The following CACNG3 variants were observed in gnomAD, a reference collection of about 807,000 sequenced individuals.
The protein encoded by CACNG3 is calcium voltage-gated channel auxiliary subunit gamma 3.
Under a neutral mutation model 28.5 loss-of-function variants are expected in CACNG3, and 3 were observed. That is an observed-to-expected ratio of 0.11 (90% CI 0.05 to 0.27). The LOEUF is 0.27. Ranked by LOEUF, CACNG3 falls within the 10% of genes least tolerant of loss-of-function variation. The pLI is 1.00. For synonymous variants in CACNG3, 174 were observed against 162.2 expected (o/e 1.07, Z -0.55); for missense variants, 236 against 414.4 (o/e 0.57, Z 3.74).
intron 3 of CACNG3, among the ~76,000 whole-genome samples, chr16:24,360,091 C>A (rs554717695): frequency 6.6e-6 from 1 of 152,152 alleles, no homozygotes; most frequent in African/African-American, 2.4e-5. Context: ...TACTCACCAA[C>A]TGTTGTCGGA....
At position 24,361,291 on chromosome 16, in the gene CACNG3, G is replaced by C; in HGVS notation, c.437-61G>C. 4 of 1,258,248 alleles carry C rather than the reference G, an allele frequency of 3.2e-6. No individual in the cohort carries two copies. The highest frequency in any genetic ancestry group is 4.4e-6 in the Non-Finnish European group (4 of 900,206). The allele number at this position is 1,258,248 out of a possible 1,614,324, so 77.9% of individuals were successfully genotyped here. A position where few individuals can be genotyped will look rare whatever the true frequency, so the allele number is the denominator to read the frequency against. On this transcript the variant is annotated intron_variant, in intron 3 of 3. Transcript: ENST00000005284. The surrounding 1 kb of genome is among the most constrained non-coding windows in gnomAD (Gnocchi z 6.8). Reference sequence around the variant, plus strand: ...CATTTTCTATAAATATTTTAAGATGGAAAGTGACAGTTCTCTCCGAGGTGT... The same window carrying C: ...CATTTTCTATAAATATTTTAAGATGCAAAGTGACAGTTCTCTCCGAGGTGT...
chr16:24,348,238 AT>A (rs200432788), intron 2 of CACNG3, among the ~76,000 whole-genome samples: 2,397 of 146,848 alleles, frequency 0.016, 51 homozygotes, highest in African/African-American at 0.052. Context: ...ACTCTACAGA[AT>A]TTTTTTTTTT....
intron 1 of CACNG3, among the ~76,000 whole-genome samples, chr16:24,272,770 A>T (rs943325632): frequency 6.6e-6 from 1 of 152,180 alleles, no homozygotes; most frequent in Non-Finnish European, 1.5e-5. Flanking sequence ...ATCTTTCTAC[A>T]TCAGTAGAGA....
intron 2 of CACNG3, among the ~76,000 whole-genome samples, chr16:24,350,802 C>A (rs1899930305): frequency 6.6e-6 from 1 of 152,188 alleles, no homozygotes; most frequent in African/African-American, 2.4e-5. Flanking sequence ...GGTTAGTCCA[C>A]AAGTCCCTAA....
chr16:24,326,707 C>A (rs1048149711), intron 1 of CACNG3, among the ~76,000 whole-genome samples: 6 of 152,158 alleles, frequency 3.9e-5, no homozygotes, highest in African/African-American at 1.4e-4. Context: ...ACAATGGAGT[C>A]ACCCTATGCT....
chr16:24,326,316 C>A lies in CACNG3; in HGVS notation c.212-20418C>A, dbSNP rs562902181. Among the ~76,000 whole-genome samples, 4 of 152,204 alleles carry A rather than the reference C, an allele frequency of 2.6e-5. No homozygotes were observed. In the South Asian group the frequency reaches 8.3e-4, roughly 32 times the overall value. On this transcript the variant is annotated intron_variant, in intron 1 of 3. Coordinates refer to ENST00000005284, the MANE Select transcript of CACNG3 (RefSeq NM_006539.4). ...CCTCCCGAGTAGCTGGGATTACAGG[C>A]ATGCGCCAGTAGGCCCGGCTCATTT...
chr16:24,274,119 G>A (rs1361738730), intron 1 of CACNG3, among the ~76,000 whole-genome samples: 2 of 150,928 alleles, frequency 1.3e-5, no homozygotes, highest in African/African-American at 4.9e-5. Context: ...CCTCGGAGGC[G>A]GAGGTTGCAG....
intron 1 of CACNG3, among the ~76,000 whole-genome samples, chr16:24,295,023 G>T (rs1302281629): frequency 1.3e-5 from 2 of 152,146 alleles, no homozygotes; most frequent in African/African-American, 2.4e-5. Context: ...TGCATGTTGG[G>T]GAGGACAGCC....
intron 1 of CACNG3, among the ~76,000 whole-genome samples, chr16:24,262,179 C>T (rs1898544468): frequency 6.6e-6 from 1 of 152,166 alleles, no homozygotes; most frequent in Non-Finnish European, 1.5e-5. Flanking sequence ...TGCACCCTCC[C>T]TCAGACATGG....
intron 1 of CACNG3, among the ~76,000 whole-genome samples, chr16:24,267,577 C>G (rs534008206): frequency 3.5e-4 from 54 of 152,266 alleles, no homozygotes; most frequent in Admixed American, 1.2e-3. Flanking sequence ...TTTAAACCAC[C>G]GTGCCCCACC....
chr16:24,256,596 G>C lies in CACNG3; in HGVS notation c.-159G>C. 1 of 630,394 alleles carries C rather than the reference G, an allele frequency of 1.6e-6. No homozygotes were observed. The highest frequency in any genetic ancestry group is 2.9e-6 in the Non-Finnish European group (1 of 350,428). 39.1% of individuals were successfully genotyped at this position (630,394 alleles called of 1,614,324 possible). A position where few individuals can be genotyped will look rare whatever the true frequency, so the allele number is the denominator to read the frequency against. On this transcript the variant is annotated 5_prime_UTR_variant, in exon 1 of 4. Transcript: ENST00000005284. The surrounding 1 kb of genome is among the most constrained non-coding windows in gnomAD (Gnocchi z 4.6). ...GGGAACTGGAGAGAGCTCCAGAAAG[G>C]AAATCCCAGCTTTCCCAAAGTCCCT...
chr16:24,331,634 A>G (rs1349999691), intron 1 of CACNG3, among the ~76,000 whole-genome samples: 4 of 152,190 alleles, frequency 2.6e-5, no homozygotes, highest in African/African-American at 9.7e-5. Flanking sequence ...CCTGGACCAT[A>G]CATGCTCCTT....
At chr16:24,283,773 G>T (rs1188530145) in intron 1 of CACNG3, among the ~76,000 whole-genome samples, 1 of 152,164 alleles carries the variant, frequency 6.6e-6, no homozygotes, top group African/African-American at 2.4e-5. Flanking sequence ...TGTGATCACA[G>T]ATCTCGGTTT....
chr16:24,346,460 C>A (rs557970954), intron 1 of CACNG3, among the ~76,000 whole-genome samples: 58 of 152,160 alleles, frequency 3.8e-4, no homozygotes, highest in Non-Finnish European at 6.9e-4. Context: ...TGCCTATAGT[C>A]CCAGCTACTT....
chr16:24,342,849 G>A (rs1024469620), intron 1 of CACNG3, among the ~76,000 whole-genome samples: 1 of 151,760 alleles, frequency 6.6e-6, no homozygotes, highest in Non-Finnish European at 1.5e-5. Context: ...TTGGCTCATG[G>A]GCTGTACAAA....
chr16:24,346,707 G>T (rs748289025), intron 1 of CACNG3, 27 bp from the exon 2 acceptor site: 1 of 1,581,456 alleles, frequency 6.3e-7, no homozygotes. Context: ...CCTCCCCCAG[G>T]CTCAGAACCC....
At chr16:24,338,193 C>G (rs1322563411) in intron 1 of CACNG3, among the ~76,000 whole-genome samples, 1 of 152,156 alleles carries the variant, frequency 6.6e-6, no homozygotes, top group South Asian at 2.1e-4. Flanking sequence ...TTCCTGGACT[C>G]TTCATATAAC....
chr16:24,282,086 T>C (rs1898836105), intron 1 of CACNG3, among the ~76,000 whole-genome samples: 1 of 152,206 alleles, frequency 6.6e-6, no homozygotes, highest in African/African-American at 2.4e-5. Context: ...CGCAGCAGTT[T>C]TCAGTGACAG....
intron 1 of CACNG3, among the ~76,000 whole-genome samples, chr16:24,268,742 T>A (rs1359173172): frequency 6.6e-6 from 1 of 152,214 alleles, no homozygotes; most frequent in African/African-American, 2.4e-5. Context: ...GATTTGAGAT[T>A]CTCACATCTT....
Sources: allele counts gnomAD v4.1 joint callset (sites outside exome capture counted in the v4.1 genomes callset), GRCh38; gene constraint gnomAD v4.1.1; non-coding constraint Gnocchi (gnomAD v3.1); transcripts MANE v1.5; gene names NCBI Gene and HGNC (gene_info 2026-07-23, HGNC 2026-07-21).